The following TMEM41B variants were observed in gnomAD, a reference collection of about 807,000 sequenced individuals.
TMEM41B encodes the protein transmembrane protein 41B.
A neutral mutation model predicts 31.9 loss-of-function variants in TMEM41B; 18 were observed. The observed-to-expected ratio is 0.56, with a 90% confidence interval of 0.39 to 0.84. The LOEUF (loss-of-function observed/expected upper bound fraction) is 0.84. TMEM41B is among the 40% of genes least tolerant of loss of function. The pLI is 0.00. For missense variants in TMEM41B, 322 were observed against 348.0 expected (o/e 0.93, Z 0.59); for synonymous variants, 144 against 124.3 (o/e 1.16, Z -1.05).
intron 6 of TMEM41B, among the ~76,000 whole-genome samples, chr11:9,285,813 A>C (rs1229778459): frequency 1.8e-4 from 22 of 122,194 alleles, no homozygotes; most frequent in Non-Finnish European, 4.0e-4. Context: ...CAACATTTAC[A>C]AAAAAAAAAA....
intron 1 of TMEM41B, among the ~76,000 whole-genome samples, chr11:9,309,627 A>G (rs1853503322): frequency 6.6e-6 from 1 of 151,714 alleles, no homozygotes; most frequent in Non-Finnish European, 1.5e-5. Context: ...TATCCAAGTC[A>G]GAACAATATT....
Position 9,295,398 on chromosome 11 carries a change from A to G in TMEM41B, c.240-11T>C. The G allele has an allele frequency of 6.6e-7, 1 of 1,517,026 alleles. No homozygotes were observed. The highest frequency in any genetic ancestry group is 2.2e-5 in the Admixed American group (1 of 46,454). 94.0% of individuals were successfully genotyped at this position (1,517,026 alleles called of 1,614,324 possible). The stretch of plus-strand genomic sequence containing the variant: ...TTCACTCTTTCTTCTCTGAAGAAAT[A>G]AAGTGAAAAATTTTAGAACAGAATT... On this transcript the variant is annotated splice_polypyrimidine_tract_variant and intron_variant, in intron 2 of 6. Transcript: ENST00000528080.
chr11:9,309,508 G>A (rs926477989), intron 1 of TMEM41B, among the ~76,000 whole-genome samples: 2 of 111,962 alleles, frequency 1.8e-5, no homozygotes, highest in Admixed American at 2.3e-4. Context: ...TTCATCTACA[G>A]TAATCAGAGC....
At chr11:9,297,251 A>G (rs1434006916) in intron 2 of TMEM41B, among the ~76,000 whole-genome samples, 1 of 152,092 alleles carries the variant, frequency 6.6e-6, no homozygotes, top group Admixed American at 6.5e-5. Flanking sequence ...CGCCCAGCTA[A>G]TTTTTTTATT....
At chr11:9,286,745 A>C in intron 5 of TMEM41B, 152 bp from the exon 6 acceptor site, 2 of 739,810 alleles carry the variant, frequency 2.7e-6, no homozygotes, top group Non-Finnish European at 4.0e-6. Flanking sequence ...CATGCCTGTA[A>C]TCCCAGCACT....
At position 9,290,038 on chromosome 11, in the gene TMEM41B, A is replaced by AAC. The variant is rs138140225; in HGVS notation, c.369-1505_369-1504dup. The stretch of plus-strand genomic sequence containing the variant: ...TCCTACATGTCTCTGTCAAAAACAA[A>AAC]ACACACACACACACACACACACAAA... On this transcript the variant is annotated intron_variant, in intron 3 of 6. Transcript: ENST00000528080. 8.2e-3 allele frequency among the ~76,000 whole-genome samples: 1,232 copies of AAC among 149,892 alleles called. 7 individuals carry two copies. The highest frequency in any genetic ancestry group is 0.016 in the African/African-American group (674 of 40,860).
In TMEM41B at chr11:9,288,484, C is replaced by A; in HGVS notation, c.420G>T (p.Gly140=). ...AGGCTAGTGGAAAGGGATAAAGAAA[C>A]CCTGAGAGTATACTGAGAAATATAG... is the stretch of plus-strand genomic sequence containing the variant. ...PGSIFLSILS[G]FLYPFPLALF... The change falls in exon 4 of 7, where the codon GGG becomes GGT. Residue 140 remains glycine (G), a synonymous_variant. Coordinates refer to ENST00000528080, the MANE Select transcript of TMEM41B (RefSeq NM_015012.4). The A allele has an allele frequency of 1.3e-6, 2 of 1,595,996 alleles. No homozygotes were observed. The highest frequency in any genetic ancestry group is 1.7e-6 in the Non-Finnish European group (2 of 1,173,758).
chr11:9,291,970 T>TTTTCTTTTTA (rs1852970622), intron 3 of TMEM41B, among the ~76,000 whole-genome samples: 2 of 152,292 alleles, frequency 1.3e-5, no homozygotes, highest in South Asian at 4.1e-4. Context: ...CCTCCCAAAG[T>TTTTCTTTTTA]ACTGGAATTA....
At chr11:9,295,514 G>T in intron 2 of TMEM41B, 127 bp from the exon 3 acceptor site, 1 of 609,856 alleles carries the variant, frequency 1.6e-6, no homozygotes. Flanking sequence ...AATTAGCAAT[G>T]TTTAAGTTTA....
Position 9,313,622 on chromosome 11 carries a change from G to A in TMEM41B, c.121+699C>T, listed in dbSNP as rs571264209. ...CCGTGAGAAATGTCAGGATGATGTA[G>A]TGGGGAAATAAACTTTAGAATGAGT... On this transcript the variant is annotated intron_variant, in intron 1 of 6. Transcript: ENST00000528080. Among the ~76,000 whole-genome samples, 58 of 152,300 alleles carry A rather than the reference G, an allele frequency of 3.8e-4. No individual in the cohort carries two copies. In the South Asian group the frequency reaches 0.012, roughly 32 times the overall value.
At chr11:9,284,411 C>G (rs538893269) in intron 6 of TMEM41B, among the ~76,000 whole-genome samples, 1 of 151,950 alleles carries the variant, frequency 6.6e-6, no homozygotes, top group Admixed American at 6.6e-5. Context: ...CTCAGCCTCC[C>G]AAAGTGCTGG....
At chr11:9,290,330 A>T (rs1460816126) in intron 3 of TMEM41B, among the ~76,000 whole-genome samples, 2 of 152,192 alleles carry the variant, frequency 1.3e-5, no homozygotes, top group Admixed American at 6.6e-5. Flanking sequence ...GTGAGCCGAG[A>T]TCTCGCCACT....
intron 2 of TMEM41B, among the ~76,000 whole-genome samples, chr11:9,298,712 G>A (rs1477266313): frequency 2.6e-5 from 4 of 151,140 alleles, no homozygotes; most frequent in Non-Finnish European, 5.9e-5. Flanking sequence ...AGAGATCACA[G>A]TAAGCCAAAA....
At chr11:9,312,080 G>T (rs1300045018) in intron 1 of TMEM41B, among the ~76,000 whole-genome samples, 1 of 152,024 alleles carries the variant, frequency 6.6e-6, no homozygotes, top group Non-Finnish European at 1.5e-5. Context: ...CAACCTCATC[G>T]CCTACTACCA....
chr11:9,310,922 A>T (rs771056053), intron 1 of TMEM41B, among the ~76,000 whole-genome samples: 4 of 152,200 alleles, frequency 2.6e-5, no homozygotes, highest in Non-Finnish European at 5.9e-5. Flanking sequence ...GAGGTTTTTC[A>T]TCATAATTAA....
In TMEM41B at chr11:9,288,472, G is replaced by T. The variant is rs746093211; in HGVS notation, c.432C>A (p.Pro144=). 1 of 1,592,718 alleles carries T rather than the reference G, an allele frequency of 6.3e-7. No individual in the cohort carries two copies. Among genetic ancestry groups the T allele is most frequent in the South Asian group, 1.2e-5 (1 of 85,932 alleles). ...AAACAAGAAATAAGGCTAGTGGAAA[G>T]GGATAAAGAAACCCTGAGAGTATAC... ...FLSILSGFLY[P]FPLALFLVCL... The change falls in exon 4 of 7, where the codon CCC becomes CCA. Residue 144 remains proline (P), a synonymous_variant. Transcript: ENST00000528080.
At chr11:9,296,347 G>T (rs1213599012) in intron 2 of TMEM41B, among the ~76,000 whole-genome samples, 1 of 151,874 alleles carries the variant, frequency 6.6e-6, no homozygotes. Flanking sequence ...CCACTGGCCA[G>T]GCACATGGTG....
Position 9,314,355 on chromosome 11 carries a change from A to G in TMEM41B, c.87T>C (p.Gly29=). Residue 29 remains glycine, a synonymous_variant, in exon 1 of 7, where the codon GGT becomes GGC. Coordinates refer to ENST00000528080, the MANE Select transcript of TMEM41B (RefSeq NM_015012.4). ...PVGDGAAGTR[G]LAAPGSRDHQ... ...GGTCTCTGCTGCCAGGCGCCGCGAG[A>G]CCCCGCGTCCCCGCTGCCCCGTCCC... The G allele has an allele frequency of 6.3e-7, 1 of 1,591,418 alleles. No homozygotes were observed. Among genetic ancestry groups the G allele is most frequent in the South Asian group, 1.1e-5 (1 of 87,836 alleles).
intron 6 of TMEM41B, 77 bp downstream of exon 6, chr11:9,286,378 C>A: frequency 7.0e-7 from 1 of 1,422,814 alleles, no homozygotes; most frequent in South Asian, 1.5e-5. Flanking sequence ...AGAGAGCATG[C>A]ATGTAATCTA....
Sources: allele counts gnomAD v4.1 joint callset (sites outside exome capture counted in the v4.1 genomes callset), GRCh38; gene constraint gnomAD v4.1.1; transcripts MANE v1.5; gene names NCBI Gene and HGNC (gene_info 2026-07-23, HGNC 2026-07-21).